The following LSG1 variants were observed in gnomAD, a reference collection of about 807,000 sequenced individuals.
LSG1 encodes the protein large subunit GTPase 1 homolog.
Under a neutral mutation model 82.6 loss-of-function variants are expected in LSG1, and 55 were observed. The observed-to-expected ratio is 0.67, with a 90% CI of 0.54 to 0.83. The LOEUF (loss-of-function observed/expected upper bound fraction) is 0.83, where lower values mean the gene tolerates loss of function less well. Ranked by LOEUF, LSG1 falls within the 40% of genes least tolerant of loss-of-function variation. LSG1 has a pLI of 0.00. For missense variants in LSG1, 809 were observed against 807.9 expected, an observed-to-expected ratio of 1.00 and a Z score of -0.02; for synonymous variants, 272 against 282.5, an observed-to-expected ratio of 0.96 and a Z score of 0.37.
intron 2 of LSG1, among the ~76,000 whole-genome samples, chr3:194,668,804 T>C (rs777587124): frequency 6.6e-6 from 1 of 152,156 alleles, no homozygotes; most frequent in African/African-American, 2.4e-5. Context: ...CCAACCTCAA[T>C]GCCCATCAAC....
chr3:194,646,265 G>C (rs1213388634), intron 11 of LSG1, 22 bp from the exon 12 acceptor site: 3 of 1,609,456 alleles, frequency 1.9e-6, no homozygotes, highest in South Asian at 1.1e-5. Context: ...AAAGAATTTT[G>C]CAAAATCTTA....
intron 2 of LSG1, among the ~76,000 whole-genome samples, chr3:194,667,338 A>C (rs1431901702): frequency 6.6e-6 from 1 of 152,110 alleles, no homozygotes; most frequent in African/African-American, 2.4e-5. Context: ...GGCATGAGCC[A>C]CCGCACCCAG....
chr3:194,656,136 C>A (rs1264564581), intron 7 of LSG1, among the ~76,000 whole-genome samples: 7 of 151,698 alleles, frequency 4.6e-5, no homozygotes, highest in East Asian at 3.9e-4. Flanking sequence ...GCAACAAAAG[C>A]CAAAATTGAC....
chr3:194,642,849 C>T (rs1718427809), intron 13 of LSG1, among the ~76,000 whole-genome samples: 1 of 152,078 alleles, frequency 6.6e-6, no homozygotes, highest in South Asian at 2.1e-4. Context: ...TGGTATGTAC[C>T]AACTTGAAAA....
At chr3:194,648,583 T>C (rs931992240) in intron 11 of LSG1, 98 bp downstream of exon 11, 1 of 1,287,328 alleles carries the variant, frequency 7.8e-7, no homozygotes, top group African/African-American at 1.5e-5. Flanking sequence ...AATGTGTATC[T>C]TTGCAGAACA....
intron 10 of LSG1, 68 bp from the exon 11 acceptor site, chr3:194,648,872 C>A (rs1244734346): frequency 2.6e-6 from 4 of 1,559,302 alleles, no homozygotes; most frequent in Middle Eastern, 1.7e-4. Context: ...AATCGTGCCT[C>A]AAAGAACATG....
In LSG1 at chr3:194,652,737, C is replaced by A. The variant is rs1718701480; in HGVS notation, c.1165G>T (p.Val389Phe). Reference protein sequence around the residue: ...GRKVKDGQLTVGLVGYPNVGK... With the variant: ...GRKVKDGQLTFGLVGYPNVGK... ...GACATATGTCATCTTACCAGTCCGA[C>A]CGTAAGTTGCCCATCTTTCACCTTT... Residue 389 changes from valine (V) to phenylalanine (F), a missense_variant, in exon 8 of 14, where the codon GTC becomes TTC. Transcript: ENST00000265245. 6.2e-7 allele frequency: 1 copy of A among 1,612,558 alleles called. No homozygotes were observed. Among genetic ancestry groups the A allele is most frequent in the African/African-American group, 1.3e-5 (1 of 74,872 alleles).
chr3:194,652,679 G>A, intron 8 of LSG1, 50 bp downstream of exon 8: 1 of 1,560,802 alleles, frequency 6.4e-7, no homozygotes, highest in Non-Finnish European at 8.7e-7. Flanking sequence ...TGAAAAATGG[G>A]GATTAAAGAC....
chr3:194,646,004 C>T (rs1718542549), intron 12 of LSG1, among the ~76,000 whole-genome samples, 160 bp downstream of exon 12: 2 of 152,162 alleles, frequency 1.3e-5, no homozygotes, highest in South Asian at 2.1e-4. Context: ...TTTGTAATGT[C>T]TATAATCCAT....
intron 10 of LSG1, among the ~76,000 whole-genome samples, chr3:194,649,966 C>A (rs930547713): frequency 1.3e-5 from 2 of 151,918 alleles, no homozygotes; most frequent in East Asian, 1.9e-4. Context: ...GTGGCCCAGG[C>A]TGGAGGGCAG....
chr3:194,644,838 C>T (rs1212539971), intron 12 of LSG1, 92 bp from the exon 13 acceptor site: 6 of 1,030,966 alleles, frequency 5.8e-6, no homozygotes. Flanking sequence ...TCTGATGGAG[C>T]TTTCTGCCTT....
chr3:194,656,294 C>G (rs182692418), intron 7 of LSG1, among the ~76,000 whole-genome samples: 2 of 111,990 alleles, frequency 1.8e-5, no homozygotes, highest in Admixed American at 1.9e-4. Flanking sequence ...AGAACTCCAA[C>G]AAATTTACAA....
intron 12 of LSG1, 105 bp from the exon 13 acceptor site, chr3:194,644,851 G>A (rs1718487126): frequency 3.4e-6 from 3 of 875,838 alleles, no homozygotes; most frequent in Non-Finnish European, 3.2e-6. Context: ...TCTGCCTTCT[G>A]GTTAAGTTAG....
chr3:194,646,044 C>T, intron 12 of LSG1, 120 bp downstream of exon 12: 1 of 956,156 alleles, frequency 1.0e-6, no homozygotes, highest in East Asian at 2.5e-5. Flanking sequence ...ATCAAGAACA[C>T]AACTCCAGTT....
At chr3:194,668,389 C>T (rs543564574) in intron 2 of LSG1, among the ~76,000 whole-genome samples, 2 of 152,152 alleles carry the variant, frequency 1.3e-5, no homozygotes, top group African/African-American at 4.8e-5. Context: ...ATTTTATACT[C>T]CCACAGCGAT....
chr3:194,641,936 G>T lies in LSG1; in HGVS notation c.*132C>A. ...TTGGTCTTGACATGGAGACTGTTGG[G>T]TGCAGCCGTGCTCTGCAAGAGCAGG... On this transcript the variant is annotated 3_prime_UTR_variant, in exon 14 of 14. Transcript: ENST00000265245. 1.1e-6 allele frequency: 1 copy of T among 938,858 alleles called. No individual in the cohort carries two copies. Among genetic ancestry groups the T allele is most frequent in the Non-Finnish European group, 1.6e-6 (1 of 624,514 alleles). The allele number at this position is 938,858 out of a possible 1,614,324, so 58.2% of individuals were successfully genotyped here. A position where few individuals can be genotyped will look rare whatever the true frequency, so the allele number is the denominator to read the frequency against.
At position 194,660,115 on chromosome 3, in the gene LSG1, T is replaced by C. The variant is rs1244061036; in HGVS notation, c.540A>G (p.Ile180Met). Reference protein sequence around the residue: ...VIERSDIVVQIVDARNPLLFR... With the variant: ...VIERSDIVVQMVDARNPLLFR... ...ACAGGAGTGGGTTTCGAGCATCTAC[T>C]ATCTGGACCACAATATCACTGAAAA... Residue 180 changes from isoleucine (I) to methionine (M), a missense_variant, in exon 6 of 14, where the codon ATA (isoleucine) becomes ATG (methionine). Ile to Met is a conservative substitution (Grantham distance 10). Transcript: ENST00000265245. 1 of 1,614,086 alleles carries C rather than the reference T, an allele frequency of 6.2e-7. No individual in the cohort carries two copies. Among genetic ancestry groups the C allele is most frequent in the East Asian group, 2.2e-5 (1 of 44,878 alleles).
At position 194,660,346 on chromosome 3, in the gene LSG1, C is replaced by T. The variant is rs562092284; in HGVS notation, c.522-213G>A. Among the ~76,000 whole-genome samples the T allele has an allele frequency of 4.6e-5, 7 of 152,318 alleles. 1 individual carries two copies. The South Asian group carries it at 1.5e-3, about 32-fold the overall frequency. On this transcript the variant is annotated intron_variant, in intron 5 of 13. Transcript: ENST00000265245. Reference sequence around the variant, plus strand: ...CCCAAGGCCACCAGCTAGTAAGTAACACAGCCAGAATGGGAGCCCAGGCAG... The same window carrying T: ...CCCAAGGCCACCAGCTAGTAAGTAATACAGCCAGAATGGGAGCCCAGGCAG...
rs773167594 is a variant in LSG1, at chr3:194,666,270, T to C, written c.367A>G (p.Thr123Ala). 4.1e-5 allele frequency: 66 copies of C among 1,614,076 alleles called. No individual in the cohort carries two copies. Among genetic ancestry groups the C allele is most frequent in the Non-Finnish European group, 5.3e-5 (63 of 1,180,030 alleles). ...IPRRPNWNQN[T>A]TPEELKQAEK... is the part of the protein sequence containing the mutation. Reference sequence around the variant, plus strand: ...GCTTGTTTGAGTTCTTCTGGGGTAGTATTTTGGTTCCAGTTTGGTCTGAAA... The same window carrying C: ...GCTTGTTTGAGTTCTTCTGGGGTAGCATTTTGGTTCCAGTTTGGTCTGAAA... Residue 123 changes from threonine (T) to alanine (A), a missense_variant, in exon 4 of 14, where the codon ACT becomes GCT. Transcript: ENST00000265245.
Sources: allele counts gnomAD v4.1 joint callset (sites outside exome capture counted in the v4.1 genomes callset), GRCh38; gene constraint gnomAD v4.1.1; transcripts MANE v1.5; gene names NCBI Gene and HGNC (gene_info 2026-07-23, HGNC 2026-07-21).